The following DLG2 variants were observed in gnomAD, a reference collection of about 807,000 sequenced individuals.
DLG2 encodes disks large homolog 2.
DLG2 carries 45 observed loss-of-function variants against 132.5 expected under a neutral mutation model. The ratio of observed to expected loss-of-function variants is 0.34; its 90% CI spans 0.27 to 0.44. The LOEUF is 0.44. Among genes scored for constraint, DLG2 ranks in the 20% least tolerant of loss-of-function variants. The probability of loss-of-function intolerance (pLI) is 1.00; values close to 1 mark genes in which losing one functional copy is unlikely to be tolerated. For missense variants in DLG2, 1,045 were observed against 1,196.9 expected (o/e 0.87, Z 1.87); for synonymous variants, 424 against 419.6 (o/e 1.01, Z -0.13).
chr11:84,196,691 T>C (rs1433847952), intron 8 of DLG2, among the ~76,000 whole-genome samples: 1 of 152,218 alleles, frequency 6.6e-6, no homozygotes, highest in Non-Finnish European at 1.5e-5. Context: ...GTTATTTCTA[T>C]AATTTACATT....
At chr11:84,187,992 T>C (rs1389984131) in intron 8 of DLG2, among the ~76,000 whole-genome samples, 1 of 152,128 alleles carries the variant, frequency 6.6e-6, no homozygotes, top group African/African-American at 2.4e-5. Context: ...AGCCTTCAGC[T>C]TTTCCCAAAA....
At chr11:84,681,307 TTTATC>T (rs1232181219) in intron 6 of DLG2, among the ~76,000 whole-genome samples, 2 of 152,184 alleles carry the variant, frequency 1.3e-5, no homozygotes, top group African/African-American at 2.4e-5. Context: ...TGCTAAGTGA[TTTATC>T]TTATTTCATT....
intron 19 of DLG2, among the ~76,000 whole-genome samples, chr11:83,555,333 C>A (rs975462391): frequency 6.6e-6 from 1 of 152,224 alleles, no homozygotes; most frequent in Admixed American, 6.5e-5. Context: ...GGATTTTAAA[C>A]AGATGTGAGA....
intron 8 of DLG2, among the ~76,000 whole-genome samples, chr11:84,188,964 C>T (rs1446549198): frequency 6.6e-6 from 1 of 152,132 alleles, no homozygotes; most frequent in African/African-American, 2.4e-5. Flanking sequence ...GAGTAGTAAG[C>T]TATGCAATGA....
chr11:85,534,344 T>C (rs1036557377), intron 3 of DLG2, among the ~76,000 whole-genome samples: 24 of 152,120 alleles, frequency 1.6e-4, no homozygotes, highest in Admixed American at 3.3e-4. Flanking sequence ...CCATGAAATA[T>C]AATTTTTTTT....
intron 3 of DLG2, among the ~76,000 whole-genome samples, chr11:85,433,576 AT>A (rs2091312453): frequency 6.6e-6 from 1 of 152,224 alleles, no homozygotes; most frequent in Admixed American, 6.5e-5. Context: ...AAAGAAGGGC[AT>A]TACATAATGG....
intron 7 of DLG2, among the ~76,000 whole-genome samples, chr11:84,446,847 C>A (rs933516475): frequency 6.6e-6 from 1 of 152,070 alleles, no homozygotes; most frequent in Non-Finnish European, 1.5e-5. Flanking sequence ...ACCCTAAATG[C>A]CTTTATTGAG....
chr11:85,186,044 A>T (rs2080070511), intron 4 of DLG2, among the ~76,000 whole-genome samples: 1 of 151,928 alleles, frequency 6.6e-6, no homozygotes, highest in African/African-American at 2.4e-5. Context: ...TTTTTTCTTT[A>T]GTTTGTTTTG....
chr11:84,671,101 T>TC (rs1176811005), intron 6 of DLG2, among the ~76,000 whole-genome samples: 1 of 151,840 alleles, frequency 6.6e-6, no homozygotes, highest in African/African-American at 2.4e-5. Context: ...CAATAATTTT[T>TC]TTTTTTTTTT....
At chr11:83,890,040 G>C (rs1163354055) in intron 15 of DLG2, among the ~76,000 whole-genome samples, 1 of 151,866 alleles carries the variant, frequency 6.6e-6, no homozygotes, top group African/African-American at 2.4e-5. Context: ...CAGCATACCA[G>C]CATGGCACAT....
intron 6 of DLG2, among the ~76,000 whole-genome samples, chr11:84,675,939 G>C (rs1181263209): frequency 6.6e-6 from 1 of 151,958 alleles, no homozygotes; most frequent in Non-Finnish European, 1.5e-5. Context: ...TGCCTCCTCT[G>C]GGTACCCATA....
intron 4 of DLG2, among the ~76,000 whole-genome samples, chr11:85,167,301 A>C (rs1331892816): frequency 2.6e-5 from 4 of 152,142 alleles, no homozygotes; most frequent in Non-Finnish European, 5.9e-5. Flanking sequence ...TCTCATATTT[A>C]TAGAATGCCT....
At chr11:84,219,834 T>G (rs1040306339) in intron 8 of DLG2, among the ~76,000 whole-genome samples, 1 of 152,196 alleles carries the variant, frequency 6.6e-6, no homozygotes, top group African/African-American at 2.4e-5. Flanking sequence ...ATTCACTCAT[T>G]TTATTGTATT....
intron 7 of DLG2, among the ~76,000 whole-genome samples, chr11:84,373,308 G>T (rs1310842388): frequency 1.5e-5 from 2 of 134,232 alleles, no homozygotes; most frequent in Non-Finnish European, 3.1e-5. Flanking sequence ...GGTGGCTCAC[G>T]CCTGTAATCC....
intron 18 of DLG2, among the ~76,000 whole-genome samples, chr11:83,677,817 T>C (rs897045242): frequency 2.6e-5 from 4 of 152,154 alleles, no homozygotes; most frequent in Admixed American, 1.3e-4. Context: ...AAAGGAACTA[T>C]TGGGAGAATG....
chr11:84,007,324 C>T (rs1342903987), intron 11 of DLG2, among the ~76,000 whole-genome samples: 1 of 151,588 alleles, frequency 6.6e-6, no homozygotes, highest in African/African-American at 2.4e-5. Flanking sequence ...CAGATGCTCC[C>T]TCATTATATT....
intron 4 of DLG2, among the ~76,000 whole-genome samples, chr11:85,154,900 A>T (rs1048006302): frequency 6.6e-6 from 1 of 152,224 alleles, no homozygotes; most frequent in African/African-American, 2.4e-5. Flanking sequence ...GGGAGTGTTG[A>T]ACATGGGCTA....
intron 7 of DLG2, among the ~76,000 whole-genome samples, chr11:84,389,393 C>A (rs902744994): frequency 5.9e-5 from 9 of 151,864 alleles, no homozygotes; most frequent in Admixed American, 2.6e-4. Flanking sequence ...CAAGTCAATA[C>A]CAAAATGCTG....
chr11:85,082,333 AT>A, intron 6 of DLG2, among the ~76,000 whole-genome samples: 1 of 152,262 alleles, frequency 6.6e-6, no homozygotes, highest in East Asian at 1.9e-4. Flanking sequence ...AAAGAAAAAA[AT>A]GTTACAGGTG....
Sources: allele counts gnomAD v4.1 joint callset (sites outside exome capture counted in the v4.1 genomes callset), GRCh38; gene constraint gnomAD v4.1.1; transcripts MANE v1.5; gene names NCBI Gene and HGNC (gene_info 2026-07-23, HGNC 2026-07-21).